The following FAAH2 variants were observed in gnomAD, a reference collection of about 807,000 sequenced individuals.
FAAH2 encodes the protein fatty acid amide hydrolase 2.
In FAAH2, 60 loss-of-function variants were observed where a neutral mutation model predicts 36.9. That is an observed-to-expected ratio of 1.63 (90% CI 1.32 to 2.02). The LOEUF (loss-of-function observed/expected upper bound fraction) is 2.02. Among genes scored for constraint, FAAH2 ranks in the 30% most tolerant of loss-of-function variants. FAAH2 has a pLI of 0.00. For synonymous variants in FAAH2, 214 were observed against 143.8 expected, an observed-to-expected ratio of 1.49 and a Z score of -3.49; for missense variants, 689 against 397.5, an observed-to-expected ratio of 1.73 and a Z score of -6.23.
At chrX:57,434,909 T>A (rs1195837119) in intron 8 of FAAH2, among the ~76,000 whole-genome samples, 4 of 110,651 alleles carry the variant, frequency 3.6e-5, no homozygotes, top group Non-Finnish European at 7.6e-5. Flanking sequence ...AGAAACCCCA[T>A]CAGACTAAGA....
chrX:57,141,740 A>AT, the FAAH2 span, among the ~76,000 whole-genome samples: 30 of 110,256 alleles, frequency 2.7e-4, no homozygotes, highest in African/African-American at 6.6e-4. Context: ...ATCTGTAACA[A>AT]TTTTTTTATT....
At chrX:57,446,251 T>C (rs191188204) in intron 8 of FAAH2, among the ~76,000 whole-genome samples, 1 of 112,076 alleles carries the variant, frequency 8.9e-6, no homozygotes, top group East Asian at 2.8e-4. Flanking sequence ...GTGCCTCTTT[T>C]ATTGATATTT....
the FAAH2 span, among the ~76,000 whole-genome samples, chrX:57,176,002 A>T: frequency 3.6e-5 from 4 of 110,459 alleles, no homozygotes; most frequent in South Asian, 3.8e-4. Flanking sequence ...TGCTTTTAGA[A>T]TTTTTTTTCC....
At chrX:57,419,779 A>C (rs1243452218) in intron 7 of FAAH2, among the ~76,000 whole-genome samples, 2 of 111,905 alleles carry the variant, frequency 1.8e-5, no homozygotes, top group Non-Finnish European at 3.8e-5. Flanking sequence ...TGTTTTAGAC[A>C]TGAAGTCCTT....
chrX:57,364,995 A>G (rs2147154469), intron 5 of FAAH2, among the ~76,000 whole-genome samples: 1 of 111,939 alleles, frequency 8.9e-6, no homozygotes, highest in South Asian at 3.7e-4. Context: ...TAGAATATAT[A>G]CTATATACAG....
chrX:57,340,478 A>G (rs1343981361), intron 4 of FAAH2, among the ~76,000 whole-genome samples: 1 of 112,392 alleles, frequency 8.9e-6, no homozygotes, highest in Non-Finnish European at 1.9e-5. Context: ...TTTATTATAA[A>G]GATACATGCA....
Position 57,338,018 on chromosome X carries a change from C to T in FAAH2, c.623-3253C>T, listed in dbSNP as rs752795364. Among the ~76,000 whole-genome samples the T allele has an allele frequency of 4.7e-4, 53 of 111,844 alleles. No individual in the cohort carries two copies. In the South Asian group the frequency reaches 7.2e-3, roughly 15 times the overall value. On this transcript the variant is annotated intron_variant, in intron 4 of 10. Transcript: ENST00000374900. ...ATCTAGAAAACCCCATCATCTCAGC[C>T]CAAAAGCTTCTTAATCTGATAAGCA... is the stretch of plus-strand genomic sequence containing the variant.
the FAAH2 span, among the ~76,000 whole-genome samples, chrX:57,168,409 CACAA>C: frequency 5.3e-4 from 59 of 111,035 alleles, 1 homozygote; most frequent in East Asian, 0.016. Context: ...CACACACACA[CACAA>C]ACACACATTT....
chrX:57,172,555 A>G, the FAAH2 span, among the ~76,000 whole-genome samples: 1 of 112,393 alleles, frequency 8.9e-6, no homozygotes, highest in African/African-American at 3.2e-5. Flanking sequence ...CCTTATCACA[A>G]GGGCAAAGGA....
At chrX:57,382,157 C>G (rs2054869746) in intron 7 of FAAH2, among the ~76,000 whole-genome samples, 1 of 111,371 alleles carries the variant, frequency 9.0e-6, no homozygotes, top group African/African-American at 3.3e-5. Context: ...ACCAGAATCT[C>G]TGGGACACAT....
At chrX:57,471,915 A>T (rs2057175847) in intron 10 of FAAH2, among the ~76,000 whole-genome samples, 1 of 111,271 alleles carries the variant, frequency 9.0e-6, no homozygotes, top group Admixed American at 9.6e-5. Flanking sequence ...ATGGAACAGA[A>T]CAGAGCACTC....
At chrX:57,231,405 T>G in the FAAH2 span, among the ~76,000 whole-genome samples, 1 of 111,367 alleles carries the variant, frequency 9.0e-6, no homozygotes, top group Non-Finnish European at 1.9e-5. Flanking sequence ...TGTTCTGGAC[T>G]CAACACTAGA....
the FAAH2 span, among the ~76,000 whole-genome samples, chrX:57,125,567 A>T: frequency 1.8e-5 from 2 of 111,897 alleles, no homozygotes; most frequent in South Asian, 3.8e-4. Flanking sequence ...GTAGAAAAAC[A>T]TCCACCAAAT....
At chrX:57,124,971 C>G in the FAAH2 span, among the ~76,000 whole-genome samples, 1 of 112,339 alleles carries the variant, frequency 8.9e-6, no homozygotes, top group Non-Finnish European at 1.9e-5. Context: ...TTGACTTCCT[C>G]TTTTCCTAAT....
chrX:57,265,904 C>T, the FAAH2 span, among the ~76,000 whole-genome samples: 4 of 111,644 alleles, frequency 3.6e-5, no homozygotes, highest in South Asian at 1.1e-3. Flanking sequence ...TGGAGCCTCC[C>T]AACCAGGATC....
intron 6 of FAAH2, 93 bp from the exon 7 acceptor site, chrX:57,380,819 A>G (rs964054996): frequency 7.8e-6 from 4 of 516,007 alleles, no homozygotes; most frequent in Non-Finnish European, 1.3e-5. Context: ...GGAAAAAAAT[A>G]CTTCATTAGA....
chrX:57,223,714 C>T, the FAAH2 span, among the ~76,000 whole-genome samples: 1 of 111,941 alleles, frequency 8.9e-6, no homozygotes, highest in Non-Finnish European at 1.9e-5. Flanking sequence ...TGTACTTTCT[C>T]CAGGTAGATA....
the FAAH2 span, among the ~76,000 whole-genome samples, chrX:57,213,566 T>G: frequency 2.1e-4 from 23 of 111,955 alleles, no homozygotes; most frequent in Non-Finnish European, 3.6e-4. Context: ...TTGATTTCCA[T>G]TTTTATTTTA....
intron 2 of FAAH2, among the ~76,000 whole-genome samples, chrX:57,300,505 C>T (rs1315630181): frequency 9.0e-6 from 1 of 111,599 alleles, no homozygotes; most frequent in Non-Finnish European, 1.9e-5. Context: ...CCATAAAAAC[C>T]CTAGAAGAAA....
Sources: allele counts gnomAD v4.1 joint callset (sites outside exome capture counted in the v4.1 genomes callset), GRCh38; gene constraint gnomAD v4.1.1; transcripts MANE v1.5; gene names NCBI Gene and HGNC (gene_info 2026-07-23, HGNC 2026-07-21).